Variants in TCF7L2 observed in about 807,000 individuals in gnomAD.
TCF7L2 encodes transcription factor 7-like 2.
In TCF7L2, 23 loss-of-function variants were observed where a neutral mutation model predicts 77.9. The observed-to-expected ratio is 0.30, with a 90% CI of 0.21 to 0.42. The LOEUF (loss-of-function observed/expected upper bound fraction) is 0.42. Ranked by LOEUF, TCF7L2 falls within the 10% of genes least tolerant of loss-of-function variation. TCF7L2 has a pLI of 1.00. For synonymous variants in TCF7L2, 413 were observed against 340.2 expected (o/e 1.21, Z -2.36); for missense variants, 654 against 793.1 (o/e 0.82, Z 2.11).
At chr10:113,105,386 G>A (rs75581953) in intron 5 of TCF7L2, among the ~76,000 whole-genome samples, 2,327 of 152,178 alleles carry the variant, frequency 0.015, 35 homozygotes, top group South Asian at 0.025. Context: ...AGAGCTTCTG[G>A]GATTTGGAAC....
chr10:113,039,899 G>T (rs1395860313), intron 4 of TCF7L2, 126 bp from the exon 5 acceptor site: 2 of 761,852 alleles, frequency 2.6e-6, no homozygotes, highest in Non-Finnish European at 4.2e-6. Flanking sequence ...TTTTTTTAAT[G>T]ATTATTTGCA....
intron 5 of TCF7L2, among the ~76,000 whole-genome samples, chr10:113,081,457 C>A (rs1021178636): frequency 1.2e-4 from 18 of 152,200 alleles, no homozygotes; most frequent in Admixed American, 9.8e-4. Context: ...GCTTAATGTT[C>A]TTCCATAGCC....
In TCF7L2 at chr10:113,160,632, A is replaced by G. The variant is rs1210325655; in HGVS notation, c.1332A>G (p.Pro444=). ...TTATGCTAACAGATGCAAATACTCCAAAGAAGTGTCGGGCACTGTTCGGGC... is the reference window on the plus strand; with the variant it reads ...TTATGCTAACAGATGCAAATACTCCGAAGAAGTGTCGGGCACTGTTCGGGC... Residue 444 remains proline, a synonymous_variant, in exon 13 of 14, where the codon CCA becomes CCG. Transcript: ENST00000627217. 3.8e-6 allele frequency: 6 copies of G among 1,595,842 alleles called. No individual in the cohort carries two copies. In the African/African-American group the frequency reaches 8.0e-5, roughly 21 times the overall value.
At chr10:113,013,226 C>G (rs2046768029) in intron 4 of TCF7L2, among the ~76,000 whole-genome samples, 1 of 148,116 alleles carries the variant, frequency 6.8e-6, no homozygotes, top group Non-Finnish European at 1.5e-5. Flanking sequence ...TCAAGCGATT[C>G]TCCTGCCTCA....
At chr10:112,956,892 G>A (rs2033752403) in intron 3 of TCF7L2, among the ~76,000 whole-genome samples, 1 of 152,144 alleles carries the variant, frequency 6.6e-6, no homozygotes, top group Non-Finnish European at 1.5e-5. Context: ...GAGATGGGGG[G>A]AGGTGGTGGT....
chr10:113,051,055 G>T (rs2054339952), intron 5 of TCF7L2, among the ~76,000 whole-genome samples: 1 of 151,614 alleles, frequency 6.6e-6, no homozygotes. Context: ...TTTTGTTGTG[G>T]TGAACTACAC....
At chr10:113,113,709 C>T (rs1204645476) in intron 5 of TCF7L2, among the ~76,000 whole-genome samples, 2 of 152,210 alleles carry the variant, frequency 1.3e-5, no homozygotes, top group Non-Finnish European at 2.9e-5. Context: ...CTGGGCTCCT[C>T]ACCATCTAAT....
intron 11 of TCF7L2, among the ~76,000 whole-genome samples, chr10:113,156,313 A>G (rs2071882976): frequency 6.6e-6 from 1 of 152,004 alleles, no homozygotes; most frequent in African/African-American, 2.4e-5. Flanking sequence ...ATGGGGTTTC[A>G]CCATGTTGGC....
intron 4 of TCF7L2, among the ~76,000 whole-genome samples, chr10:112,996,987 G>A (rs376262451): frequency 6.6e-5 from 10 of 152,358 alleles, no homozygotes; most frequent in African/African-American, 1.9e-4. Context: ...TTGGTGTGGT[G>A]AGGAGCTGAG....
At chr10:113,144,704 C>T (rs569678168) in intron 7 of TCF7L2, among the ~76,000 whole-genome samples, 14 of 152,264 alleles carry the variant, frequency 9.2e-5, no homozygotes, top group African/African-American at 2.9e-4. Context: ...CATTTGGAAC[C>T]GTCACTGCAG....
At chr10:113,082,965 G>A (rs145679765) in intron 5 of TCF7L2, among the ~76,000 whole-genome samples, 340 of 152,166 alleles carry the variant, frequency 2.2e-3, no homozygotes, top group African/African-American at 7.5e-3. Context: ...GGTTAAGGAG[G>A]GGTGAGCAGT....
intron 7 of TCF7L2, 63 bp from the exon 8 acceptor site, chr10:113,145,948 C>T: frequency 7.2e-7 from 1 of 1,379,336 alleles, no homozygotes; most frequent in Admixed American, 1.8e-5. Flanking sequence ...CCCTTTTCTT[C>T]TTTTTCTTGT....
In TCF7L2 at chr10:113,165,765, G is replaced by T. The variant is rs1173115336; in HGVS notation, c.1602G>T (p.Pro534=). ...TGGCCCACCTGTCCATGATGCCTCC[G>T]CCACCCGCCCTCCTGCTCGCTGAGG... The change falls in exon 14 of 14, where the codon CCG becomes CCT. Residue 534 remains proline, a synonymous_variant. Coordinates refer to ENST00000627217, the MANE Select transcript of TCF7L2 (RefSeq NM_001146274.2). 1.2e-6 allele frequency: 2 copies of T among 1,606,214 alleles called. No homozygotes were observed. The highest frequency in any genetic ancestry group is 1.7e-6 in the Non-Finnish European group (2 of 1,176,788).
At chr10:113,070,269 T>A (rs200178359) in intron 5 of TCF7L2, among the ~76,000 whole-genome samples, 42,057 of 122,504 alleles carry the variant, frequency 0.34, 8,016 homozygotes, top group East Asian at 0.63. Context: ...AAAAAAAAAT[T>A]TATATATATA....
intron 4 of TCF7L2, among the ~76,000 whole-genome samples, chr10:112,970,592 A>G (rs1297072018): frequency 6.6e-6 from 1 of 151,970 alleles, no homozygotes; most frequent in African/African-American, 2.4e-5. Flanking sequence ...GTCTGAGCAG[A>G]CCCTTCATAC....
chr10:113,155,917 A>G (rs1184791090), intron 11 of TCF7L2, among the ~76,000 whole-genome samples: 1 of 152,170 alleles, frequency 6.6e-6, no homozygotes, highest in Non-Finnish European at 1.5e-5. Flanking sequence ...ATGAAGGAAC[A>G]TAGCGCGTTT....
chr10:113,152,803 G>C (rs1489265369), intron 11 of TCF7L2, among the ~76,000 whole-genome samples: 1 of 152,244 alleles, frequency 6.6e-6, no homozygotes, highest in Non-Finnish European at 1.5e-5. Context: ...CTCCTCAGCA[G>C]TGATCAGTGG....
chr10:113,056,719 T>C (rs2055438754), intron 5 of TCF7L2, among the ~76,000 whole-genome samples: 1 of 152,216 alleles, frequency 6.6e-6, no homozygotes, highest in Admixed American at 6.5e-5. Context: ...CATAGCATAA[T>C]TAATAAATGA....
At chr10:112,990,242 G>T (rs1338089067) in intron 4 of TCF7L2, among the ~76,000 whole-genome samples, 2 of 152,106 alleles carry the variant, frequency 1.3e-5, no homozygotes, top group Admixed American at 6.5e-5. Context: ...TTAGACACAT[G>T]AATTATTTTT....
Sources: allele counts gnomAD v4.1 joint callset (sites outside exome capture counted in the v4.1 genomes callset), GRCh38; gene constraint gnomAD v4.1.1; transcripts MANE v1.5; gene names NCBI Gene and HGNC (gene_info 2026-07-23, HGNC 2026-07-21).